Variants in TRABD2B observed in about 807,000 individuals in gnomAD.
The protein encoded by TRABD2B is TraB domain containing 2B, also known as metalloprotease TIKI2.
In TRABD2B, 14 loss-of-function variants were observed where a neutral mutation model predicts 40.1. The observed-to-expected ratio is 0.35, with a 90% CI of 0.23 to 0.55. TRABD2B has a LOEUF of 0.55. TRABD2B is among the 20% of genes least tolerant of loss of function. TRABD2B has a pLI of 0.90. For missense variants in TRABD2B, 541 were observed against 648.6 expected, an observed-to-expected ratio of 0.83 and a Z score of 1.80; for synonymous variants, 263 against 277.0, an observed-to-expected ratio of 0.95 and a Z score of 0.50.
chr1:47,838,742 T>A (rs1053551152), intron 2 of TRABD2B, among the ~76,000 whole-genome samples: 3 of 152,156 alleles, frequency 2.0e-5, no homozygotes, highest in Non-Finnish European at 4.4e-5. Context: ...CTGACAGATA[T>A]GATGGCTGAC....
At chr1:47,894,551 C>T (rs915608105) in intron 2 of TRABD2B, among the ~76,000 whole-genome samples, 11 of 152,108 alleles carry the variant, frequency 7.2e-5, no homozygotes, top group African/African-American at 2.7e-4. Flanking sequence ...GAAGATGGAA[C>T]AGAATGGGAC....
rs188555827 is a variant in TRABD2B at position 47,948,264 on chromosome 1, G to T, written c.666+45770C>A. Among the ~76,000 whole-genome samples, 878 of 143,216 alleles carry T rather than the reference G, an allele frequency of 6.1e-3. 9 individuals are homozygous for T. Among genetic ancestry groups the T allele is most frequent in the African/African-American group, 0.021 (777 of 37,876 alleles). The allele number at this position is 143,216 out of a possible 152,430, so 94.0% of individuals were successfully genotyped here. On this transcript the variant is annotated intron_variant, in intron 2 of 6. Transcript: ENST00000606738. ...ATATCCTGAGTGATGGCTTGCCAGG[G>T]ATGTCCTTTAGGGGGAGCAGACAGA...
intron 2 of TRABD2B, among the ~76,000 whole-genome samples, chr1:47,958,545 A>T: frequency 7.1e-6 from 1 of 141,210 alleles, no homozygotes; most frequent in Admixed American, 7.3e-5. Context: ...ACAAAAAAAA[A>T]GCAGGGGTTG....
chr1:47,947,297 T>C (rs943422766), intron 2 of TRABD2B, among the ~76,000 whole-genome samples: 10 of 152,160 alleles, frequency 6.6e-5, no homozygotes, highest in African/African-American at 2.4e-4. Flanking sequence ...TTTATGAGAT[T>C]TGTGCTACTT....
At chr1:47,850,059 A>T (rs1645526689) in intron 2 of TRABD2B, among the ~76,000 whole-genome samples, 1 of 152,210 alleles carries the variant, frequency 6.6e-6, no homozygotes, top group Non-Finnish European at 1.5e-5. Context: ...TGTTTATACA[A>T]AAGAAAATCT....
intron 2 of TRABD2B, among the ~76,000 whole-genome samples, chr1:47,965,202 G>A (rs1570380863): frequency 2.5e-5 from 2 of 81,544 alleles, no homozygotes; most frequent in Non-Finnish European, 4.7e-5. Context: ...GGCGGGGGGC[G>A]GGGGGGGGTG....
At chr1:47,950,404 A>G (rs143855091) in intron 2 of TRABD2B, among the ~76,000 whole-genome samples, 2 of 152,362 alleles carry the variant, frequency 1.3e-5, no homozygotes, top group East Asian at 1.9e-4. Context: ...CCAGCCACAT[A>G]CACACATCAG....
At chr1:47,906,360 T>G (rs1321715587) in intron 2 of TRABD2B, among the ~76,000 whole-genome samples, 2 of 152,118 alleles carry the variant, frequency 1.3e-5, no homozygotes, top group Non-Finnish European at 2.9e-5. Context: ...CTCAGAGAGG[T>G]TAAAGAACTT....
At chr1:47,921,782 C>T (rs1370042989) in intron 2 of TRABD2B, among the ~76,000 whole-genome samples, 1 of 152,176 alleles carries the variant, frequency 6.6e-6, no homozygotes, top group Non-Finnish European at 1.5e-5. Flanking sequence ...GGCCGTCACC[C>T]TTGCAACCTC....
At chr1:47,863,394 A>AT (rs1396681662) in intron 2 of TRABD2B, among the ~76,000 whole-genome samples, 25 of 130,796 alleles carry the variant, frequency 1.9e-4, no homozygotes, top group East Asian at 2.4e-4. Flanking sequence ...ATATATATAT[A>AT]ATCTCTTAAA....
chr1:47,852,763 C>CT (rs1281741460), intron 2 of TRABD2B, among the ~76,000 whole-genome samples: 1 of 152,146 alleles, frequency 6.6e-6, no homozygotes, highest in Non-Finnish European at 1.5e-5. Flanking sequence ...GGTGGTGCTG[C>CT]TGAGGTTAAG....
At chr1:47,806,287 C>A (rs146445795) in intron 2 of TRABD2B, among the ~76,000 whole-genome samples, 1 of 152,306 alleles carries the variant, frequency 6.6e-6, no homozygotes, top group East Asian at 1.9e-4. Context: ...ATTTTAGAGG[C>A]AGATGTGCCA....
intron 2 of TRABD2B, among the ~76,000 whole-genome samples, chr1:47,874,823 G>A (rs1433238781): frequency 6.6e-6 from 1 of 150,916 alleles, no homozygotes; most frequent in African/African-American, 2.4e-5. Flanking sequence ...GTCTCAGGTG[G>A]TCTCCCTGCC....
chr1:47,851,098 C>T (rs560814909), intron 2 of TRABD2B, among the ~76,000 whole-genome samples: 1 of 152,248 alleles, frequency 6.6e-6, no homozygotes, highest in East Asian at 1.9e-4. Context: ...AGTCCACAGA[C>T]CAGGTGGTGG....
At chr1:47,884,743 G>A (rs1488005042) in intron 2 of TRABD2B, among the ~76,000 whole-genome samples, 1 of 151,926 alleles carries the variant, frequency 6.6e-6, no homozygotes, top group Non-Finnish European at 1.5e-5. Flanking sequence ...AGCCTCCCAA[G>A]TAGCTGGGAC....
intron 2 of TRABD2B, among the ~76,000 whole-genome samples, chr1:47,968,608 C>T (rs573540104): frequency 3.9e-5 from 6 of 152,320 alleles, no homozygotes; most frequent in Admixed American, 3.3e-4. Context: ...ACCTCAACCA[C>T]TCACCATGTA....
intron 2 of TRABD2B, among the ~76,000 whole-genome samples, chr1:47,871,646 G>A (rs1225818160): frequency 6.6e-6 from 1 of 152,196 alleles, no homozygotes; most frequent in African/African-American, 2.4e-5. Context: ...GTGTTGGAGG[G>A]AGCTAACCCT....
intron 2 of TRABD2B, among the ~76,000 whole-genome samples, chr1:47,808,048 T>A (rs1644915735): frequency 6.6e-6 from 1 of 152,238 alleles, no homozygotes; most frequent in Non-Finnish European, 1.5e-5. Context: ...AAGGTACTTT[T>A]TAGATGAGAC....
At chr1:47,869,270 A>G (rs184873598) in intron 2 of TRABD2B, among the ~76,000 whole-genome samples, 77 of 152,364 alleles carry the variant, frequency 5.1e-4, no homozygotes, top group Non-Finnish European at 9.8e-4. Context: ...ATAAATGGAC[A>G]GACATTGCTG....
Sources: gnomAD v4.1 joint callset for allele counts (sites outside exome capture counted in the v4.1 genomes callset) on GRCh38, gnomAD v4.1.1 for gene constraint, MANE v1.5 for transcripts, NCBI Gene and HGNC (gene_info 2026-07-23, HGNC 2026-07-21) for gene names.